TEX36: variants seen among roughly 807,000 people sequenced by gnomAD.
TEX36 encodes the protein testis-expressed protein 36.
A neutral mutation model predicts 13.6 loss-of-function variants in TEX36; 12 were observed. The observed-to-expected ratio is 0.88, with a 90% CI of 0.56 to 1.43. TEX36 has a LOEUF of 1.43. Among genes scored for constraint, TEX36 ranks in the 40% most tolerant of loss-of-function variants. The pLI is 0.00. For missense variants in TEX36, 224 were observed against 228.3 expected, an observed-to-expected ratio of 0.98 and a Z score of 0.12; for synonymous variants, 93 against 83.0, an observed-to-expected ratio of 1.12 and a Z score of -0.65.
At chr10:125,645,387 A>G (rs1846755259) in intron 3 of TEX36, among the ~76,000 whole-genome samples, 1 of 151,996 alleles carries the variant, frequency 6.6e-6, no homozygotes, top group African/African-American at 2.4e-5. Context: ...TGGAAGGGGG[A>G]CAGGTGCCTT....
chr10:125,679,291 G>T lies in TEX36; in HGVS notation c.51+3648C>A, dbSNP rs574676251. On this transcript the variant is annotated intron_variant, in intron 1 of 3. Transcript: ENST00000368821. ...GCTTCTTAGCCTCAACTGTGGAAGT[G>T]CTCTCAGCTCACTCCTCAGTCCCAG... Among the ~76,000 whole-genome samples, 5 of 152,226 alleles carry T rather than the reference G, an allele frequency of 3.3e-5. No individual in the cohort carries two copies. In the East Asian group the frequency reaches 9.7e-4, roughly 30 times the overall value.
intron 3 of TEX36, among the ~76,000 whole-genome samples, chr10:125,607,401 T>C (rs1182716529): frequency 1.3e-5 from 2 of 152,246 alleles, no homozygotes; most frequent in Non-Finnish European, 2.9e-5. Context: ...ACAGACTGCC[T>C]GGTGGTTTTG....
At chr10:125,607,971 G>A (rs1846235779) in intron 3 of TEX36, among the ~76,000 whole-genome samples, 1 of 152,154 alleles carries the variant, frequency 6.6e-6, no homozygotes, top group African/African-American at 2.4e-5. Context: ...TTCCATGCAT[G>A]AAATGATGGT....
intron 3 of TEX36, among the ~76,000 whole-genome samples, chr10:125,592,793 A>C (rs749594381): frequency 6.6e-6 from 1 of 152,204 alleles, no homozygotes; most frequent in Non-Finnish European, 1.5e-5. Context: ...TTGTTAGAGC[A>C]GCTCACAGAA....
chr10:125,645,646 C>T (rs780443519), intron 3 of TEX36, among the ~76,000 whole-genome samples: 4 of 152,138 alleles, frequency 2.6e-5, no homozygotes, highest in Non-Finnish European at 4.4e-5. Flanking sequence ...TCCTAAGCAA[C>T]AGAAAATGGA....
Position 125,665,924 on chromosome 10 carries a change from T to C in TEX36, c.52-3947A>G, listed in dbSNP as rs546298819. On this transcript the variant is annotated intron_variant, in intron 1 of 3. Coordinates refer to ENST00000368821, the MANE Select transcript of TEX36 (RefSeq NM_001128202.3). ...TTATAGAGATATTTTACCTCCTTGG[T>C]TAAATTTATTCTTATATATTTTTGT... 1.1e-3 allele frequency among the ~76,000 whole-genome samples: 172 copies of C among 152,306 alleles called. 1 individual carries two copies. The highest frequency in any genetic ancestry group is 4.0e-3 in the African/African-American group (168 of 41,586).
chr10:125,621,503 A>G, downstream of TEX36: 1 of 415,296 alleles, frequency 2.4e-6, no homozygotes, highest in Non-Finnish European at 4.9e-6. Flanking sequence ...GTAATTTTTG[A>G]TATTGCCTTT....
intron 1 of TEX36, among the ~76,000 whole-genome samples, chr10:125,664,557 G>A (rs1175775251): frequency 6.6e-6 from 1 of 152,096 alleles, no homozygotes; most frequent in Admixed American, 6.5e-5. Flanking sequence ...CCCCCTTGCT[G>A]TTTTCATGAT....
chr10:125,677,042 G>C (rs1224065564), intron 1 of TEX36, among the ~76,000 whole-genome samples: 1 of 152,292 alleles, frequency 6.6e-6, no homozygotes, highest in African/African-American at 2.4e-5. Flanking sequence ...CTTATGACCT[G>C]TAAGGTTTCT....
chr10:125,682,807 A>G, intron 1 of TEX36, 132 bp downstream of exon 1: 1 of 976,038 alleles, frequency 1.0e-6, no homozygotes, highest in Non-Finnish European at 1.6e-6. Context: ...GAAGAAACTG[A>G]GGTTGAGTAA....
At chr10:125,638,632 C>T (rs1346807342) in intron 3 of TEX36, among the ~76,000 whole-genome samples, 1 of 152,248 alleles carries the variant, frequency 6.6e-6, no homozygotes, top group Non-Finnish European at 1.5e-5. Context: ...ATCAAGCTAT[C>T]GCTACATCTT....
chr10:125,657,781 C>T (rs1846971620), intron 3 of TEX36, among the ~76,000 whole-genome samples: 1 of 152,074 alleles, frequency 6.6e-6, no homozygotes, highest in South Asian at 2.1e-4. Flanking sequence ...TACAACCTGG[C>T]CACCAACACA....
At chr10:125,621,380 A>G (rs369879566), downstream of TEX36, among the ~76,000 whole-genome samples, 5 of 151,952 alleles carry the variant, frequency 3.3e-5, no homozygotes, top group Non-Finnish European at 7.4e-5. Flanking sequence ...TTTTTTTAAT[A>G]GTAGTCATCC....
chr10:125,602,454 G>A (rs538596320), intron 3 of TEX36, among the ~76,000 whole-genome samples: 12 of 152,226 alleles, frequency 7.9e-5, no homozygotes, highest in South Asian at 4.2e-4. Context: ...GGCACCTTCC[G>A]CCCCGTCTCG....
chr10:125,675,529 G>T (rs906070612), intron 1 of TEX36, among the ~76,000 whole-genome samples: 1 of 152,176 alleles, frequency 6.6e-6, no homozygotes, highest in African/African-American at 2.4e-5. Context: ...TGGTGGTGTG[G>T]GCTCATGAGG....
At chr10:125,598,844 T>C (rs1285690950) in intron 3 of TEX36, among the ~76,000 whole-genome samples, 1 of 152,338 alleles carries the variant, frequency 6.6e-6, no homozygotes, top group East Asian at 1.9e-4. Context: ...AACATTGAGC[T>C]GTCTTGAAAA....
downstream of TEX36, among the ~76,000 whole-genome samples, chr10:125,618,153 C>T (rs1230343931): frequency 6.6e-6 from 1 of 152,096 alleles, no homozygotes; most frequent in African/African-American, 2.4e-5. Context: ...CCTTTAAGCA[C>T]TTCTCTGTAT....
chr10:125,626,452 T>C lies in TEX36; in HGVS notation c.265-4807A>G, dbSNP rs549666061. ...TTACAGAGCACTTTCATGCATGTTA[T>C]CTCATTTCCTTTCTTTGTCTGTGCA... On this transcript the variant is annotated intron_variant, in intron 3 of 3. Transcript: ENST00000526819. Among the ~76,000 whole-genome samples the C allele has an allele frequency of 2.0e-4, 30 of 152,366 alleles. No individual in the cohort carries two copies. The East Asian group carries it at 2.1e-3, about 11-fold the overall frequency.
chr10:125,595,603 C>T (rs1565169892), intron 3 of TEX36, among the ~76,000 whole-genome samples: 1 of 152,196 alleles, frequency 6.6e-6, no homozygotes, highest in East Asian at 1.9e-4. Context: ...CTGCCCTCTA[C>T]TGCTGACTGT....
Sources: allele counts gnomAD v4.1 joint callset (sites outside exome capture counted in the v4.1 genomes callset), GRCh38; gene constraint gnomAD v4.1.1; transcripts MANE v1.5; gene names NCBI Gene and HGNC (gene_info 2026-07-23, HGNC 2026-07-21).